The following ZNF365 variants were observed in gnomAD, a reference collection of about 807,000 sequenced individuals.
ZNF365 encodes the protein protein ZNF365.
ZNF365 carries 22 observed loss-of-function variants against 35.0 expected under a neutral mutation model. The ratio of observed to expected loss-of-function variants is 0.63; its 90% CI spans 0.45 to 0.90. ZNF365 has a LOEUF of 0.90. Among genes scored for constraint, ZNF365 ranks in the 40% least tolerant of loss-of-function variants. The pLI is 0.00. For synonymous variants in ZNF365, 188 were observed against 196.2 expected (o/e 0.96, Z 0.35); for missense variants, 448 against 500.3 (o/e 0.90, Z 1.00).
chr10:62,410,702 CT>C (rs1363728222), intron 3 of ZNF365, among the ~76,000 whole-genome samples: 2 of 152,058 alleles, frequency 1.3e-5, no homozygotes, highest in African/African-American at 4.8e-5. Context: ...TATCTCATTC[CT>C]TTTTATGGCT....
chr10:62,447,356 G>A (rs1452845986), intron 3 of ZNF365, among the ~76,000 whole-genome samples: 2 of 152,136 alleles, frequency 1.3e-5, no homozygotes, highest in Non-Finnish European at 2.9e-5. Context: ...GGAGTGAGAT[G>A]CTAAGTGACA....
At chr10:62,399,083 T>C (rs781444050) in intron 4 of ZNF365, among the ~76,000 whole-genome samples, 6 of 152,218 alleles carry the variant, frequency 3.9e-5, no homozygotes, top group Non-Finnish European at 7.3e-5. Context: ...TCTATAGTAC[T>C]ATTAATGTAG....
intron 3 of ZNF365, among the ~76,000 whole-genome samples, chr10:62,455,581 T>C (rs760855156): frequency 6.6e-6 from 1 of 151,722 alleles, no homozygotes; most frequent in Non-Finnish European, 1.5e-5. Flanking sequence ...TTAAATATTA[T>C]ATTTATATTT....
chr10:62,439,612 A>G (rs529087207), intron 3 of ZNF365, among the ~76,000 whole-genome samples: 1 of 152,340 alleles, frequency 6.6e-6, no homozygotes, highest in Non-Finnish European at 1.5e-5. Flanking sequence ...GCATGAGGTT[A>G]TAAAGGATTT....
intron 2 of ZNF365, among the ~76,000 whole-genome samples, chr10:62,378,227 T>C (rs991796007): frequency 1.3e-5 from 2 of 152,168 alleles, no homozygotes; most frequent in Non-Finnish European, 2.9e-5. Context: ...ACCCGCACTG[T>C]GCTGTTGAAA....
intron 4 of ZNF365, among the ~76,000 whole-genome samples, chr10:62,475,752 G>A (rs1841120197): frequency 6.6e-6 from 1 of 152,198 alleles, no homozygotes; most frequent in South Asian, 2.1e-4. Flanking sequence ...ATGGCGGGAT[G>A]AAGCCTTGTT....
intron 2 of ZNF365, among the ~76,000 whole-genome samples, chr10:62,379,370 A>G (rs1479636359): frequency 6.6e-6 from 1 of 152,216 alleles, no homozygotes; most frequent in African/African-American, 2.4e-5. Context: ...GAAAAAAGCA[A>G]TGATATTTTA....
In ZNF365 at chr10:62,401,196, A is replaced by G. The variant is rs1839822220; in HGVS notation, c.*1407A>G. ...AAGTATATTAATAATTTATTTTTAAATACTCATGGAGAAAGTGTGTGTTTG... is the reference window on the plus strand; with the variant it reads ...AAGTATATTAATAATTTATTTTTAAGTACTCATGGAGAAAGTGTGTGTTTG... On this transcript the variant is annotated 3_prime_UTR_variant, in exon 5 of 5. Coordinates refer to ENST00000395254, the MANE Select transcript of ZNF365 (RefSeq NM_014951.3). The G allele has an allele frequency of 1.0e-6, 1 of 981,036 alleles. No individual in the cohort carries two copies. The highest frequency in any genetic ancestry group is 6.2e-5 in the Admixed American group (1 of 16,244). The allele number at this position is 981,036 out of a possible 1,614,324, so 60.8% of individuals were successfully genotyped here. A position where few individuals can be genotyped will look rare whatever the true frequency, so the allele number is the denominator to read the frequency against.
At chr10:62,427,396 G>A (rs7089417) in intron 3 of ZNF365, among the ~76,000 whole-genome samples, 6,068 of 152,168 alleles carry the variant, frequency 0.04, 377 homozygotes, top group African/African-American at 0.13. Context: ...GGAGCAATAG[G>A]CTATACCACA....
At chr10:62,380,813 C>G (rs1839425910) in intron 2 of ZNF365, among the ~76,000 whole-genome samples, 1 of 152,146 alleles carries the variant, frequency 6.6e-6, no homozygotes, top group Non-Finnish European at 1.5e-5. Context: ...TAAGGTATCC[C>G]TTAACAAGAA....
chr10:62,429,434 A>G (rs2132454736), intron 3 of ZNF365, among the ~76,000 whole-genome samples: 1 of 152,354 alleles, frequency 6.6e-6, no homozygotes, highest in Non-Finnish European at 1.5e-5. Context: ...AGAATTGCGA[A>G]GACTTTACAC....
chr10:62,477,546 C>T (rs1257886798), intron 4 of ZNF365, among the ~76,000 whole-genome samples: 1 of 152,172 alleles, frequency 6.6e-6, no homozygotes, highest in Non-Finnish European at 1.5e-5. Flanking sequence ...ATAATCTTTA[C>T]ATTATCTTAA....
intron 3 of ZNF365, among the ~76,000 whole-genome samples, chr10:62,409,134 A>G (rs529805865): frequency 6.6e-6 from 1 of 152,170 alleles, no homozygotes; most frequent in Admixed American, 6.5e-5. Context: ...TGCCTATCAG[A>G]TATGTCCACC....
chr10:62,467,594 T>A (rs765121857), intron 4 of ZNF365, among the ~76,000 whole-genome samples: 1 of 152,228 alleles, frequency 6.6e-6, no homozygotes, highest in Non-Finnish European at 1.5e-5. Context: ...ATGATATGCG[T>A]ACTACACATA....
intron 3 of ZNF365, among the ~76,000 whole-genome samples, chr10:62,425,055 A>G (rs924027426): frequency 6.6e-6 from 1 of 152,146 alleles, no homozygotes; most frequent in African/African-American, 2.4e-5. Context: ...TGGGTCTTAG[A>G]AGTTTTTCAT....
rs775403453 is a variant in ZNF365 at position 62,399,512 on chromosome 10, CT to C, written c.963-15del. The stretch of plus-strand genomic sequence containing the variant: ...CTGCTCATCTCTTCTCCACTCCCCC[CT>C]CCAACCCTCTGTAGAAGCCGAGGGC... On this transcript the variant is annotated splice_polypyrimidine_tract_variant and intron_variant, in intron 4 of 4. Transcript: ENST00000395254. 5.0e-6 allele frequency: 8 copies of C among 1,613,064 alleles called. No homozygotes were observed. The highest frequency in any genetic ancestry group is 3.3e-5 in the Admixed American group (2 of 59,946).
intron 3 of ZNF365, among the ~76,000 whole-genome samples, chr10:62,409,003 C>T (rs1026629448): frequency 1.3e-5 from 2 of 152,148 alleles, no homozygotes; most frequent in Non-Finnish European, 2.9e-5. Context: ...GGAATTCAAA[C>T]CCCCTTCTTG....
rs753296335 is a variant in ZNF365, at chr10:62,376,710, G to C, written c.517G>C (p.Asp173His). Residue 173 changes from aspartate (D) to histidine (H), a missense_variant, in exon 2 of 5, where the codon GAT becomes CAT. Physicochemically the swap from Asp to His is moderately conservative, Grantham distance 81 (BLOSUM62 -1). Around this residue, in one of 3 missense-constraint regions of ZNF365, gnomAD observed 362 missense variants for 375.7 expected, o/e 0.96. Coordinates refer to ENST00000395254, the MANE Select transcript of ZNF365 (RefSeq NM_014951.3). ...EKFNRMVEAV[D>H]RTIEKRIDKL... ...ATTCAATCGAATGGTTGAGGCTGTG[G>C]ATAGGACCATTGAGAAGAGAATTGA... is the stretch of plus-strand genomic sequence containing the variant. 1.2e-6 allele frequency: 2 copies of C among 1,614,060 alleles called. No homozygotes were observed. Among genetic ancestry groups the C allele is most frequent in the African/African-American group, 2.7e-5 (2 of 74,926 alleles).
Position 62,401,297 on chromosome 10 carries a change from C to A in ZNF365, c.*1508C>A. The A allele has an allele frequency of 1.0e-6, 1 of 985,314 alleles. No homozygotes were observed. Among genetic ancestry groups the A allele is most frequent in the Non-Finnish European group, 1.2e-6 (1 of 829,842 alleles). The allele number at this position is 985,314 out of a possible 1,614,324, so 61.0% of individuals were successfully genotyped here. Reference sequence around the variant, plus strand: ...CTTATTTAAAAAATCAAAACTGTAACGTAATTAACATTGGCAGAATTATGA... The same window carrying A: ...CTTATTTAAAAAATCAAAACTGTAAAGTAATTAACATTGGCAGAATTATGA... On this transcript the variant is annotated 3_prime_UTR_variant, in exon 5 of 5. Coordinates refer to ENST00000395254, the MANE Select transcript of ZNF365 (RefSeq NM_014951.3).
Sources: gnomAD v4.1 joint callset for allele counts (sites outside exome capture counted in the v4.1 genomes callset) on GRCh38, gnomAD v4.1.1 for gene constraint, gnomAD v4.1.1 regional missense constraint, MANE v1.5 for transcripts, NCBI Gene and HGNC (gene_info 2026-07-23, HGNC 2026-07-21) for gene names.